The following COL22A1 variants were observed in gnomAD, a reference collection of about 807,000 sequenced individuals.
COL22A1 encodes collagen type XXII alpha 1 chain, also known as collagen alpha-1(XXII) chain.
Under a neutral mutation model 248.9 loss-of-function variants are expected in COL22A1, and 221 were observed. That is an observed-to-expected ratio of 0.89 (90% confidence interval 0.80 to 0.99). The LOEUF (loss-of-function observed/expected upper bound fraction) is 0.99. Ranked by LOEUF, COL22A1 falls within the 50% of genes least tolerant of loss-of-function variation. The pLI is 0.00. For missense variants in COL22A1, 2,240 were observed against 2,179.0 expected, an observed-to-expected ratio of 1.03 and a Z score of -0.56; for synonymous variants, 891 against 793.4, an observed-to-expected ratio of 1.12 and a Z score of -2.07.
At chr8:138,668,703 G>GCA (rs1381696739) in intron 41 of COL22A1, among the ~76,000 whole-genome samples, 5 of 152,154 alleles carry the variant, frequency 3.3e-5, no homozygotes, top group African/African-American at 1.2e-4. Context: ...TCACATGTGT[G>GCA]CAGGCCTAGT....
chr8:138,740,079 A>T (rs1831429949), intron 22 of COL22A1, among the ~76,000 whole-genome samples: 1 of 152,198 alleles, frequency 6.6e-6, no homozygotes, highest in South Asian at 2.1e-4. Context: ...CCCCTTCCTC[A>T]GGGAAAGGAA....
At chr8:138,628,908 G>A (rs984006163) in intron 50 of COL22A1, among the ~76,000 whole-genome samples, 12 of 151,996 alleles carry the variant, frequency 7.9e-5, no homozygotes, top group Admixed American at 5.9e-4. Flanking sequence ...TGGGACTACA[G>A]GCACATATCA....
rs981845899 is a variant in COL22A1, at chr8:138,849,439, T to C, written c.659-5281A>G. Among the ~76,000 whole-genome samples the C allele has an allele frequency of 2.6e-5, 4 of 152,246 alleles. 1 individual carries two copies. The highest frequency in any genetic ancestry group is 2.6e-4 in the Admixed American group (4 of 15,286). ...AAAGAAAGGGGGACTAACTTCTTCC[T>C]GTAGAAAGAAAGGCATAAAGAAGTT... On this transcript the variant is annotated intron_variant, in intron 3 of 64. Coordinates refer to ENST00000303045, the MANE Select transcript of COL22A1 (RefSeq NM_152888.3).
intron 38 of COL22A1, among the ~76,000 whole-genome samples, chr8:138,684,894 CCTT>C (rs1228827339): frequency 6.6e-6 from 1 of 152,182 alleles, no homozygotes; most frequent in Non-Finnish European, 1.5e-5. Flanking sequence ...GACCAGAAGT[CCTT>C]CTTTACGCAT....
chr8:138,856,876 G>A (rs1205193221), intron 3 of COL22A1, among the ~76,000 whole-genome samples: 2 of 152,138 alleles, frequency 1.3e-5, no homozygotes. Context: ...GGCATGGATA[G>A]GCCTGCCCTG....
chr8:138,776,578 G>A (rs904512021), intron 15 of COL22A1, among the ~76,000 whole-genome samples: 1 of 152,148 alleles, frequency 6.6e-6, no homozygotes, highest in Non-Finnish European at 1.5e-5. Context: ...ATGTCAGCCA[G>A]GATATGGGTT....
In COL22A1 at chr8:138,755,475, C is replaced by G; in HGVS notation, c.1977+7G>C. 6.2e-7 allele frequency: 1 copy of G among 1,612,736 alleles called. No individual in the cohort carries two copies. Among genetic ancestry groups the G allele is most frequent in the Non-Finnish European group, 8.5e-7 (1 of 1,178,720 alleles). ...CCCCATGAGAAGAAGACGCGTGTGCCTCTTACCTGTTCCCCTTTCAAGCCC... is the reference window on the plus strand; with the variant it reads ...CCCCATGAGAAGAAGACGCGTGTGCGTCTTACCTGTTCCCCTTTCAAGCCC... On this transcript the variant is annotated splice_region_variant and intron_variant, in intron 20 of 64. Coordinates refer to ENST00000303045, the MANE Select transcript of COL22A1 (RefSeq NM_152888.3).
chr8:138,786,630 G>A (rs1376748496), intron 12 of COL22A1, among the ~76,000 whole-genome samples: 1 of 152,172 alleles, frequency 6.6e-6, no homozygotes, highest in East Asian at 1.9e-4. Flanking sequence ...GTTAGGCTGG[G>A]CACAGTGGCT....
At chr8:138,768,228 A>C (rs2131438161) in intron 16 of COL22A1, among the ~76,000 whole-genome samples, 1 of 152,302 alleles carries the variant, frequency 6.6e-6, no homozygotes, top group South Asian at 2.1e-4. Flanking sequence ...TGCAGGATGC[A>C]GCCGCCTCCT....
At chr8:138,783,393 A>G (rs1815217599) in intron 12 of COL22A1, among the ~76,000 whole-genome samples, 1 of 152,170 alleles carries the variant, frequency 6.6e-6, no homozygotes, top group African/African-American at 2.4e-5. Context: ...GAGCCAGTCC[A>G]GGTTCCAAAA....
At chr8:138,673,373 C>T (rs1215487900) in intron 41 of COL22A1, among the ~76,000 whole-genome samples, 2 of 152,098 alleles carry the variant, frequency 1.3e-5, no homozygotes, top group Non-Finnish European at 2.9e-5. Flanking sequence ...CCATGCCTGG[C>T]TAACTTTGGT....
intron 51 of COL22A1, 136 bp downstream of exon 51, chr8:138,626,054 G>T: frequency 1.5e-6 from 1 of 652,322 alleles, no homozygotes; most frequent in East Asian, 3.0e-5. Flanking sequence ...TGATTATTTT[G>T]TTTCTAATTT....
In COL22A1 at chr8:138,700,121, T is replaced by G; in HGVS notation, c.2583A>C (p.Pro861=). The part of the protein sequence containing the change: ...PGTTSLFTPH[P]RMPGEQGPKG... The stretch of plus-strand genomic sequence containing the variant: ...CACCGCTACTACTTACGGGCATCCG[T>G]GGATGTGGTGTGAACAGGGATGTCT... Residue 861 remains proline, a synonymous_variant, in exon 32 of 65, where the codon CCA becomes CCC. Coordinates refer to ENST00000303045, the MANE Select transcript of COL22A1 (RefSeq NM_152888.3). 1 of 1,613,456 alleles carries G rather than the reference T, an allele frequency of 6.2e-7. No homozygotes were observed. Among genetic ancestry groups the G allele is most frequent in the Non-Finnish European group, 8.5e-7 (1 of 1,179,864 alleles).
Position 138,762,478 on chromosome 8 carries a change from A to G in COL22A1, c.1804-12T>C. On this transcript the variant is annotated splice_polypyrimidine_tract_variant and intron_variant, in intron 16 of 64. Coordinates refer to ENST00000303045, the MANE Select transcript of COL22A1 (RefSeq NM_152888.3). ...AGGCCTCGCTCTCCCTGGCAAAAGA[A>G]GGCAAATGGTGAAATAAAGAGGTTA... is the stretch of plus-strand genomic sequence containing the variant. 2 of 1,614,016 alleles carry G rather than the reference A, an allele frequency of 1.2e-6. No homozygotes were observed. The highest frequency in any genetic ancestry group is 2.2e-5 in the South Asian group (2 of 91,080).
chr8:138,766,501 G>T (rs1303228015), intron 16 of COL22A1, among the ~76,000 whole-genome samples: 1 of 149,958 alleles, frequency 6.7e-6, no homozygotes. Flanking sequence ...CAGAGACACA[G>T]AGAGAGAGAC....
intron 47 of COL22A1, among the ~76,000 whole-genome samples, chr8:138,642,804 G>A (rs1821832530): frequency 6.6e-6 from 1 of 152,162 alleles, no homozygotes; most frequent in Non-Finnish European, 1.5e-5. Context: ...GCCAAGGCAG[G>A]CAGATCAAGA....
chr8:138,876,070 C>G (rs142406847), intron 3 of COL22A1, among the ~76,000 whole-genome samples: 3 of 152,170 alleles, frequency 2.0e-5, no homozygotes, highest in Admixed American at 6.5e-5. Flanking sequence ...GTCATACCCC[C>G]GCATAAACCC....
rs752530142 is a variant in COL22A1, at chr8:138,722,089, C to A, written c.2248G>T (p.Gly750Ter). The stretch of plus-strand genomic sequence containing the variant: ...TTTGGCCCGTCCTTTCCAGGGGGTC[C>A]CTGGGCCAAGAGGGGAAAACATAAA... The part of the protein sequence containing the change: ...PGKPGPPGPT[G>*]PPGKDGPNGP... The change falls in exon 26 of 65, where the codon GGA becomes TGA. Residue 750 changes from glycine (G) to a stop codon, truncating the protein, a stop_gained and splice_region_variant. Transcript: ENST00000303045. LOFTEE classifies it high-confidence loss of function. 1.3e-6 allele frequency: 2 copies of A among 1,580,622 alleles called. No individual in the cohort carries two copies. The highest frequency in any genetic ancestry group is 3.6e-5 in the Admixed American group (2 of 55,686).
chr8:138,672,713 CA>C (rs1825137921), intron 41 of COL22A1, among the ~76,000 whole-genome samples: 1 of 152,150 alleles, frequency 6.6e-6, no homozygotes, highest in Non-Finnish European at 1.5e-5. Context: ...ATCACTGGGG[CA>C]AAGGCAGGGA....
Sources: gnomAD v4.1 joint callset for allele counts (sites outside exome capture counted in the v4.1 genomes callset) on GRCh38, gnomAD v4.1.1 for gene constraint, MANE v1.5 for transcripts, NCBI Gene and HGNC (gene_info 2026-07-23, HGNC 2026-07-21) for gene names.